Variants in TTC39A observed in about 807,000 individuals in gnomAD.
TTC39A encodes the protein tetratricopeptide repeat domain 39A.
A neutral mutation model predicts 82.3 loss-of-function variants in TTC39A; 46 were observed. That is an observed-to-expected ratio of 0.56 (90% CI 0.44 to 0.71). TTC39A has a LOEUF of 0.71. Among genes scored for constraint, TTC39A ranks in the 30% least tolerant of loss-of-function variants. The pLI is 0.00. For synonymous variants in TTC39A, 254 were observed against 275.2 expected, an observed-to-expected ratio of 0.92 and a Z score of 0.76; for missense variants, 543 against 712.9, an observed-to-expected ratio of 0.76 and a Z score of 2.71.
intron 5 of TTC39A, among the ~76,000 whole-genome samples, chr1:51,310,332 C>T (rs967966049): frequency 2.0e-5 from 3 of 152,116 alleles, no homozygotes; most frequent in Admixed American, 1.3e-4. Context: ...GAGGAGGAGC[C>T]CCAGGGTGAG....
chr1:51,307,029 C>T (rs1182966627), intron 6 of TTC39A, among the ~76,000 whole-genome samples: 1 of 152,134 alleles, frequency 6.6e-6, no homozygotes, highest in Non-Finnish European at 1.5e-5. Context: ...ACAGAGAGAA[C>T]AGCACGTCCA....
At chr1:51,292,362 G>T (rs1644255634) in intron 14 of TTC39A, among the ~76,000 whole-genome samples, 1 of 152,150 alleles carries the variant, frequency 6.6e-6, no homozygotes, top group Non-Finnish European at 1.5e-5. Context: ...TATGTTCTAG[G>T]AAGGGAATTT....
chr1:51,333,666 C>T (rs1645939403), upstream of TTC39A, among the ~76,000 whole-genome samples: 1 of 152,232 alleles, frequency 6.6e-6, no homozygotes, highest in South Asian at 2.1e-4. Flanking sequence ...CCCTAACCCA[C>T]TCTGACCTAC....
chr1:51,294,721 T>G lies in TTC39A; in HGVS notation c.1146-210A>C, dbSNP rs963222935. 6.6e-6 allele frequency among the ~76,000 whole-genome samples: 1 copy of G among 152,174 alleles called. No homozygotes were observed. Among genetic ancestry groups the G allele is most frequent in the African/African-American group, 2.4e-5 (1 of 41,440 alleles). On this transcript the variant is annotated intron_variant, in intron 13 of 17. Transcript: ENST00000680483. The surrounding 1 kb of genome is among the most constrained non-coding windows in gnomAD (Gnocchi z 4.3). ...CCTGCCCCAAGACCTGGCCACTTCC[T>G]ATGGCTGGGCAAGGGGTTCCTCCCC...
intron 2 of TTC39A, among the ~76,000 whole-genome samples, chr1:51,314,722 G>A (rs1397328683): frequency 6.6e-6 from 1 of 152,162 alleles, no homozygotes; most frequent in Non-Finnish European, 1.5e-5. Context: ...CCAGAACCAG[G>A]TTTCAGAGTC....
At chr1:51,329,986 G>C in intron 1 of TTC39A, 2 of 265,038 alleles carry the variant, frequency 7.5e-6, no homozygotes, top group Non-Finnish European at 1.2e-5. Context: ...TGATGGGGTG[G>C]GGGGATCTGA....
intron 7 of TTC39A, chr1:51,305,552 A>C: frequency 3.4e-6 from 1 of 295,822 alleles, no homozygotes; most frequent in Non-Finnish European, 6.5e-6. Context: ...ACCTTCCCCC[A>C]CTCCATGCAG....
intron 16 of TTC39A, among the ~76,000 whole-genome samples, chr1:51,289,425 G>A (rs1342847315): frequency 1.3e-5 from 2 of 152,006 alleles, no homozygotes; most frequent in Non-Finnish European, 2.9e-5. Context: ...ACTTCACCCA[G>A]GCAGGTAAAG....
At chr1:51,330,953 C>T, upstream of TTC39A, 3 of 641,720 alleles carry the variant, frequency 4.7e-6, no homozygotes. The surrounding 1 kb of genome is among the most constrained non-coding windows in gnomAD (Gnocchi z 4.5). Flanking sequence ...AAAGACAGCC[C>T]CCAGAGTCAG....
Position 51,313,489 on chromosome 1 carries a change from C to T in TTC39A, c.147-546G>A, listed in dbSNP as rs1348500088. Among the ~76,000 whole-genome samples the T allele has an allele frequency of 2.6e-5, 4 of 152,194 alleles. No homozygotes were observed. In the East Asian group the frequency reaches 7.7e-4, roughly 29 times the overall value. On this transcript the variant is annotated intron_variant, in intron 2 of 17. Transcript: ENST00000680483. ...CCAGTGGTTACACCTTCCCATGGCT[C>T]CCACATCCTAGGAGATCCTGCCGGG...
At chr1:51,343,656 A>C (rs1447183670) in intron 1 of TTC39A, among the ~76,000 whole-genome samples, 9 of 152,234 alleles carry the variant, frequency 5.9e-5, no homozygotes, top group Non-Finnish European at 1.3e-4. Flanking sequence ...CTGAAGTAAC[A>C]CCATACCTGC....
chr1:51,343,783 G>GT lies in TTC39A; in HGVS notation c.53+1207dup, dbSNP rs981704475. ...ATGGAAGGGTTTTATTTTCTTTAAT[G>GT]TTTTTTCCTTTATTTATATAGAGAT... On this transcript the variant is annotated intron_variant, in intron 1 of 5. Coordinates refer to the TTC39A transcript ENST00000401051. Among the ~76,000 whole-genome samples, 62 of 152,258 alleles carry GT rather than the reference G, an allele frequency of 4.1e-4. 1 individual carries two copies. Among genetic ancestry groups the GT allele is most frequent in the African/African-American group, 1.4e-3 (60 of 41,554 alleles).
At position 51,321,232 on chromosome 1, in the gene TTC39A, C is replaced by CA. The variant is rs1388084352; in HGVS notation, c.146+488dup. Among the ~76,000 whole-genome samples the CA allele has an allele frequency of 6.6e-6, 1 of 152,150 alleles. No homozygotes were observed. The highest frequency in any genetic ancestry group is 6.5e-5 in the Admixed American group (1 of 15,276). ...GTTTTACGGTATCTGAATTACATCT[C>CA]AATTTTTAAAACTGAGAAAAAGTGA... On this transcript the variant is annotated intron_variant, in intron 2 of 17. Transcript: ENST00000680483. The surrounding 1 kb of genome is among the most constrained non-coding windows in gnomAD (Gnocchi z 4.6).
rs1184418228 is a variant in TTC39A at position 51,312,135 on chromosome 1, C to A, written c.339G>T (p.Leu113=). 6.2e-7 allele frequency: 1 copy of A among 1,611,420 alleles called. No homozygotes were observed. Among genetic ancestry groups the A allele is most frequent in the African/African-American group, 1.3e-5 (1 of 74,886 alleles). ...ATGCCACACCTTCAGTGAATTGGCCCAGCGTGGGGCGGTTCACCAGGCTGC... is the reference window on the plus strand; with the variant it reads ...ATGCCACACCTTCAGTGAATTGGCCAAGCGTGGGGCGGTTCACCAGGCTGC... ...SFSSLVNRPT[L]GQFTEEEIHA... Residue 113 remains leucine, a synonymous_variant, in exon 4 of 18, where the codon CTG becomes CTT. Transcript: ENST00000680483.
At chr1:51,342,481 A>T (rs1389473970) in intron 1 of TTC39A, among the ~76,000 whole-genome samples, 1 of 152,188 alleles carries the variant, frequency 6.6e-6, no homozygotes, top group Non-Finnish European at 1.5e-5. Context: ...ACAATGAATC[A>T]ATGTCAAAGA....
rs1644413554 is a variant in TTC39A, at chr1:51,296,144, G to A, written c.1080C>T (p.Ala360=). The A allele has an allele frequency of 6.3e-7, 1 of 1,598,384 alleles. No homozygotes were observed. The highest frequency in any genetic ancestry group is 1.3e-5 in the African/African-American group (1 of 74,638). ...SKATYIYMKA[A]YLSMFGKEDH... The stretch of plus-strand genomic sequence containing the variant: ...CCTCCTTCCCAAACATGCTGAGGTA[G>A]GCGGCCTTCATGTAAATGTAGGTGG... Residue 360 remains alanine, a synonymous_variant, in exon 13 of 18, where the codon GCC becomes GCT. Transcript: ENST00000680483.
Position 51,321,911 on chromosome 1 carries a change from T to G in TTC39A, c.42-86A>C. ...TGGAACAGAGCCTCACAGGGTCTAC[T>G]CAGCCTCCCTGGCCAGCCTTGGGTG... is the stretch of plus-strand genomic sequence containing the variant. On this transcript the variant is annotated intron_variant, in intron 1 of 17. Transcript: ENST00000680483. The surrounding 1 kb of genome is among the most constrained non-coding windows in gnomAD (Gnocchi z 4.6). 1 of 1,416,222 alleles carries G rather than the reference T, an allele frequency of 7.1e-7. No individual in the cohort carries two copies. The highest frequency in any genetic ancestry group is 9.7e-7 in the Non-Finnish European group (1 of 1,027,668). The allele number at this position is 1,416,222 out of a possible 1,614,324, so 87.7% of individuals were successfully genotyped here. A position where few individuals can be genotyped will look rare whatever the true frequency, so the allele number is the denominator to read the frequency against.
Position 51,330,117 on chromosome 1 carries a change from G to A in TTC39A, c.41+320C>T. Reference sequence around the variant, plus strand: ...CTGTAATGGGGATGAGAGTAACAGGGCCCACCCCACAGGAGTGAACGCCAC... The same window carrying A: ...CTGTAATGGGGATGAGAGTAACAGGACCCACCCCACAGGAGTGAACGCCAC... On this transcript the variant is annotated intron_variant, in intron 1 of 17. Transcript: ENST00000680483. The surrounding 1 kb of genome is among the most constrained non-coding windows in gnomAD (Gnocchi z 4.5). The A allele has an allele frequency of 1.0e-6, 1 of 984,562 alleles. No homozygotes were observed. The highest frequency in any genetic ancestry group is 4.7e-5 in the South Asian group (1 of 21,256). The allele number at this position is 984,562 out of a possible 1,614,324, so 61.0% of individuals were successfully genotyped here.
In TTC39A at chr1:51,296,161, T is replaced by C. The variant is rs774585007; in HGVS notation, c.1063A>G (p.Ile355Val). The change falls in exon 13 of 18, where the codon ATT (isoleucine) becomes GTT (valine). Residue 355 changes from isoleucine (I) to valine (V), a missense_variant. Coordinates refer to ENST00000680483, the MANE Select transcript of TTC39A (RefSeq NM_001297663.2). ...KENCWSKATY[I>V]YMKAAYLSMF... is the part of the protein sequence containing the mutation. The stretch of plus-strand genomic sequence containing the variant: ...CTGAGGTAGGCGGCCTTCATGTAAA[T>C]GTAGGTGGCCTGTGCGAGACAGAGC... The C allele has an allele frequency of 5.6e-6, 9 of 1,593,708 alleles. 1 individual carries two copies. In the South Asian group the frequency reaches 6.8e-5, roughly 12 times the overall value.
Sources: allele counts gnomAD v4.1 joint callset (sites outside exome capture counted in the v4.1 genomes callset), GRCh38; gene constraint gnomAD v4.1.1; non-coding constraint Gnocchi (gnomAD v3.1); transcripts MANE v1.5; gene names NCBI Gene and HGNC (gene_info 2026-07-23, HGNC 2026-07-21).